Variants in DLGAP1 observed in about 807,000 individuals in gnomAD.
The protein encoded by DLGAP1 is DLG associated protein 1.
DLGAP1 carries 11 observed loss-of-function variants against 90.8 expected under a neutral mutation model. The observed-to-expected ratio is 0.12, with a 90% CI of 0.08 to 0.20. DLGAP1 has a LOEUF of 0.20. Ranked by LOEUF, DLGAP1 falls within the 10% of genes least tolerant of loss-of-function variation. DLGAP1 has a pLI of 1.00. For missense variants in DLGAP1, 1,050 were observed against 1,333.8 expected (o/e 0.79, Z 3.31); for synonymous variants, 558 against 540.7 (o/e 1.03, Z -0.44).
At chr18:3,670,931 C>T (rs1278091038) in intron 7 of DLGAP1, among the ~76,000 whole-genome samples, 1 of 152,130 alleles carries the variant, frequency 6.6e-6, no homozygotes, top group Admixed American at 6.5e-5. Flanking sequence ...CTTGCTTGGC[C>T]CTTGATTGAA....
intron 1 of DLGAP1, among the ~76,000 whole-genome samples, chr18:4,379,684 A>G (rs987612814): frequency 1.4e-4 from 21 of 152,156 alleles, no homozygotes; most frequent in African/African-American, 4.8e-4. Flanking sequence ...GGGCAGAGGT[A>G]AAGTGTTGTA....
chr18:4,359,777 C>CAAGCAGGCCCTGG (rs1171055206), intron 1 of DLGAP1, among the ~76,000 whole-genome samples: 2 of 152,132 alleles, frequency 1.3e-5, no homozygotes, highest in African/African-American at 4.8e-5. Context: ...AATATACATT[C>CAAGCAGGCCCTGG]AAGCAGGCCC....
At chr18:4,334,960 T>C (rs1248230954) in intron 1 of DLGAP1, among the ~76,000 whole-genome samples, 3 of 151,966 alleles carry the variant, frequency 2.0e-5, no homozygotes, top group South Asian at 4.1e-4. Flanking sequence ...CATTTGGCTT[T>C]GAACAATTGT....
At chr18:3,994,153 G>A (rs754455075) in intron 3 of DLGAP1, among the ~76,000 whole-genome samples, 6 of 152,258 alleles carry the variant, frequency 3.9e-5, no homozygotes, top group Non-Finnish European at 5.9e-5. Flanking sequence ...GCCTGGCACC[G>A]GGTGATCCAG....
At chr18:4,231,956 T>C (rs2078308574) in intron 1 of DLGAP1, among the ~76,000 whole-genome samples, 1 of 152,182 alleles carries the variant, frequency 6.6e-6, no homozygotes, top group Non-Finnish European at 1.5e-5. Context: ...GCCCATTGTG[T>C]ATTAATAATA....
intron 7 of DLGAP1, among the ~76,000 whole-genome samples, chr18:3,670,019 C>T (rs1386847248): frequency 1.3e-5 from 2 of 152,108 alleles, no homozygotes; most frequent in East Asian, 1.9e-4. Context: ...AAGAAGTGAG[C>T]CACATAGGGT....
intron 1 of DLGAP1, among the ~76,000 whole-genome samples, chr18:4,157,217 A>C (rs954000174): frequency 6.6e-6 from 1 of 151,698 alleles, no homozygotes; most frequent in Non-Finnish European, 1.5e-5. Flanking sequence ...GTTTTACCCA[A>C]CTCCCTGTTT....
chr18:4,410,282 T>C (rs2082748740), intron 1 of DLGAP1, among the ~76,000 whole-genome samples: 3 of 152,180 alleles, frequency 2.0e-5, no homozygotes, highest in Admixed American at 6.5e-5. Context: ...AAGTACCACA[T>C]GTACCCCAAT....
intron 1 of DLGAP1, among the ~76,000 whole-genome samples, chr18:4,175,510 G>A (rs1033388813): frequency 1.2e-4 from 18 of 152,000 alleles, no homozygotes; most frequent in African/African-American, 4.4e-4. Flanking sequence ...TGTCCTGAAT[G>A]GTATTGCCTA....
chr18:3,637,208 G>C (rs561878713), intron 7 of DLGAP1, among the ~76,000 whole-genome samples: 1 of 152,128 alleles, frequency 6.6e-6, no homozygotes, highest in Non-Finnish European at 1.5e-5. Context: ...TATTTGCAGG[G>C]ATAGTGAGTG....
intron 2 of DLGAP1, among the ~76,000 whole-genome samples, chr18:4,045,978 C>T (rs561653581): frequency 2.0e-5 from 3 of 151,956 alleles, no homozygotes; most frequent in Non-Finnish European, 4.4e-5. Flanking sequence ...CCAGACACTA[C>T]TTTAAAAAAT....
At chr18:3,867,337 T>C (rs1198342930) in intron 4 of DLGAP1, among the ~76,000 whole-genome samples, 1 of 152,138 alleles carries the variant, frequency 6.6e-6, no homozygotes, top group Non-Finnish European at 1.5e-5. Context: ...CTGACAATCT[T>C]GGACTAGGAT....
chr18:3,957,288 TAAGGGAAAAGGC>T (rs1262414582), intron 3 of DLGAP1, among the ~76,000 whole-genome samples: 8 of 152,106 alleles, frequency 5.3e-5, no homozygotes, highest in African/African-American at 1.7e-4. Flanking sequence ...TGGAAGCCTG[TAAGGGAAAAGGC>T]AAGGGAAAAG....
In DLGAP1 at chr18:3,577,913, C is replaced by T. The variant is rs143869256; in HGVS notation, c.1965+3962G>A. Among the ~76,000 whole-genome samples, 1,337 of 152,184 alleles carry T rather than the reference C, an allele frequency of 8.8e-3. 13 individuals are homozygous for T. Among genetic ancestry groups the T allele is most frequent in the South Asian group, 0.037 (180 of 4,828 alleles). ...CCAAAAAAATAATAATTGAGAAAGTCCATGGCATATTTAGTTCAGCATATT... is the reference window on the plus strand; with the variant it reads ...CCAAAAAAATAATAATTGAGAAAGTTCATGGCATATTTAGTTCAGCATATT... On this transcript the variant is annotated intron_variant, in intron 8 of 12. Transcript: ENST00000315677.
intron 1 of DLGAP1, among the ~76,000 whole-genome samples, chr18:4,192,653 G>A (rs2077423199): frequency 6.6e-6 from 1 of 152,160 alleles, no homozygotes; most frequent in Non-Finnish European, 1.5e-5. Context: ...TAACATTAAA[G>A]TCAAGAAGAA....
At chr18:4,094,705 C>A (rs1006815248) in intron 2 of DLGAP1, among the ~76,000 whole-genome samples, 8 of 144,712 alleles carry the variant, frequency 5.5e-5, no homozygotes, top group Non-Finnish European at 1.2e-4. Flanking sequence ...TCAAGGGATT[C>A]TCCTGCCTCA....
chr18:3,960,357 G>A (rs750805209), intron 3 of DLGAP1, among the ~76,000 whole-genome samples: 2 of 152,150 alleles, frequency 1.3e-5, no homozygotes, highest in South Asian at 4.1e-4. Context: ...GGAAGCCAGC[G>A]GTTCCCACAC....
chr18:4,017,673 T>C (rs1210501329), intron 2 of DLGAP1, among the ~76,000 whole-genome samples: 1 of 152,186 alleles, frequency 6.6e-6, no homozygotes, highest in Non-Finnish European at 1.5e-5. Flanking sequence ...TCTCGCCCTC[T>C]CCTGGCTCAG....
intron 1 of DLGAP1, among the ~76,000 whole-genome samples, chr18:4,204,863 T>C (rs2077688208): frequency 7.0e-6 from 1 of 142,982 alleles, no homozygotes; most frequent in South Asian, 2.3e-4. Flanking sequence ...GTAACTGAGG[T>C]GAGCCTTTTC....
Sources: allele counts gnomAD v4.1 joint callset (sites outside exome capture counted in the v4.1 genomes callset), GRCh38; gene constraint gnomAD v4.1.1; transcripts MANE v1.5; gene names NCBI Gene and HGNC (gene_info 2026-07-23, HGNC 2026-07-21).